Variants in SPESP1 observed in about 807,000 individuals in gnomAD.
SPESP1 encodes equatorial segment protein.
A neutral mutation model predicts 3.1 loss-of-function variants in SPESP1; 1 was observed. The ratio of observed to expected loss-of-function variants is 0.33; its 90% CI spans 0.12 to 1.54. The LOEUF is 1.54. SPESP1 is among the 40% of genes most tolerant of loss of function. SPESP1 has a pLI of 0.38. For synonymous variants in SPESP1, 138 were observed against 150.7 expected (o/e 0.92, Z 0.62); for missense variants, 398 against 410.1 (o/e 0.97, Z 0.26).
intron 1 of SPESP1, among the ~76,000 whole-genome samples, chr15:68,933,924 TATC>T (rs1028778207): frequency 6.6e-6 from 1 of 151,736 alleles, no homozygotes. Flanking sequence ...ATTTAAATAA[TATC>T]AACTACTATT....
At position 68,946,527 on chromosome 15, in the gene SPESP1, C is replaced by T. The variant is rs748587178; in HGVS notation, c.993C>T (p.Phe331=). Residue 331 remains phenylalanine (F), a synonymous_variant, in exon 2 of 2, where the codon TTC becomes TTT. Transcript: ENST00000310673. ...TGAGAGAAAAAGCTGCTACAGTATT[C>T]AATACATTAAAAAATATGTGTAGAT... ...PEMREKAATV[F]NTLKNMCRSR... is the part of the protein sequence containing the mutation. The T allele has an allele frequency of 1.3e-6, 2 of 1,589,736 alleles. No individual in the cohort carries two copies. Among genetic ancestry groups the T allele is most frequent in the South Asian group, 2.4e-5 (2 of 85,076 alleles).
At chr15:68,944,691 T>G (rs1218143527) in intron 1 of SPESP1, among the ~76,000 whole-genome samples, 1 of 152,148 alleles carries the variant, frequency 6.6e-6, no homozygotes, top group Non-Finnish European at 1.5e-5. Context: ...GGCCATGTGG[T>G]CTCTTACAAT....
intron 1 of SPESP1, among the ~76,000 whole-genome samples, chr15:68,943,895 C>T (rs895225784): frequency 4.0e-5 from 6 of 151,790 alleles, no homozygotes; most frequent in African/African-American, 9.7e-5. Flanking sequence ...GATTAAACGT[C>T]GATCTGGTCT....
chr15:68,943,085 GTGTGTGTGTGTGTA>G (rs972481815), intron 1 of SPESP1, among the ~76,000 whole-genome samples: 1 of 151,948 alleles, frequency 6.6e-6, no homozygotes, highest in African/African-American at 2.4e-5. Flanking sequence ...GTGTGTGTGT[GTGTGTGTGTGTGTA>G]TGTGTGTGTG....
chr15:68,941,632 A>G (rs1222699123), intron 1 of SPESP1, among the ~76,000 whole-genome samples: 3 of 151,554 alleles, frequency 2.0e-5, no homozygotes, highest in Admixed American at 6.6e-5. Context: ...CTCTGTGTCT[A>G]TCTCTTATAA....
In SPESP1 at chr15:68,946,215, G is replaced by GA; in HGVS notation, c.688dup (p.Ile230AsnfsTer5). 6.2e-7 allele frequency: 1 copy of GA among 1,613,894 alleles called. No individual in the cohort carries two copies. The highest frequency in any genetic ancestry group is 1.1e-5 in the South Asian group (1 of 91,064). ...AGAGTTGGAATAATGATGACATTTT[G>GA]AAAAAAATTTTAGATATTAATTCAC... On this transcript the variant is annotated frameshift_variant, in exon 2 of 2. Coordinates refer to ENST00000310673, the MANE Select transcript of SPESP1 (RefSeq NM_145658.4). LOFTEE classifies it low-confidence loss of function (END_TRUNC).
In SPESP1 at chr15:68,946,084, T is replaced by C. The variant is rs909555126; in HGVS notation, c.550T>C (p.Leu184=). The change falls in exon 2 of 2, where the codon TTA becomes CTA. Residue 184 remains leucine, a synonymous_variant. Coordinates refer to ENST00000310673, the MANE Select transcript of SPESP1 (RefSeq NM_145658.4). ...CTCATACAAGTCACCTGTCACCACT[T>C]TAGATAAGAGCACTGGCATTGGGAT... ...VTSYKSPVTT[L]DKSTGIGIST... 4 of 1,614,168 alleles carry C rather than the reference T, an allele frequency of 2.5e-6. No homozygotes were observed. In the South Asian group the frequency reaches 4.4e-5, roughly 18 times the overall value.
chr15:68,940,120 A>G (rs897869231), intron 1 of SPESP1, among the ~76,000 whole-genome samples: 12 of 152,164 alleles, frequency 7.9e-5, no homozygotes, highest in Admixed American at 5.9e-4. Flanking sequence ...TATTATTACT[A>G]TTATTAGCAT....
intron 1 of SPESP1, among the ~76,000 whole-genome samples, chr15:68,942,451 A>G (rs949819941): frequency 6.6e-6 from 1 of 152,112 alleles, no homozygotes; most frequent in Admixed American, 6.5e-5. Context: ...ATTGACTAGT[A>G]TCTCCAACAT....
At chr15:68,936,413 CAT>C (rs893942937) in intron 1 of SPESP1, among the ~76,000 whole-genome samples, 3 of 152,160 alleles carry the variant, frequency 2.0e-5, no homozygotes, top group African/African-American at 7.2e-5. Flanking sequence ...CATGCTACAA[CAT>C]AGATGATCTT....
chr15:68,936,952 G>A (rs1290286699), intron 1 of SPESP1, among the ~76,000 whole-genome samples: 1 of 152,024 alleles, frequency 6.6e-6, no homozygotes, highest in African/African-American at 2.4e-5. Flanking sequence ...TTAGAAAGAC[G>A]TAGTAAGCTG....
intron 1 of SPESP1, among the ~76,000 whole-genome samples, chr15:68,938,188 C>A (rs1003880689): frequency 3.3e-5 from 5 of 152,264 alleles, no homozygotes; most frequent in Admixed American, 2.0e-4. Context: ...ACCATGTTGG[C>A]CAGGCTGGTC....
intron 1 of SPESP1, among the ~76,000 whole-genome samples, chr15:68,933,826 TC>T (rs1383142330): frequency 2.6e-5 from 4 of 151,142 alleles, no homozygotes; most frequent in Admixed American, 1.3e-4. Context: ...GCCACTGCAT[TC>T]CAGCCTGGCT....
In SPESP1 at chr15:68,946,006, G is replaced by T. The variant is rs1416222041; in HGVS notation, c.472G>T (p.Ala158Ser). 6.2e-7 allele frequency: 1 copy of T among 1,613,980 alleles called. No homozygotes were observed. Among genetic ancestry groups the T allele is most frequent in the African/African-American group, 1.3e-5 (1 of 74,878 alleles). ...EPEPAAKQTEAPRMLPVVTES... is the reference protein window; with the variant it reads ...EPEPAAKQTESPRMLPVVTES... ...GGAGCCAGCTGCAAAACAAACTGAG[G>T]CACCAAGAATGTTGCCAGTTGTTAC... The change falls in exon 2 of 2, where the codon GCA becomes TCA. Residue 158 changes from alanine (A) to serine (S), a missense_variant. Coordinates refer to ENST00000310673, the MANE Select transcript of SPESP1 (RefSeq NM_145658.4).
intron 1 of SPESP1, among the ~76,000 whole-genome samples, chr15:68,944,619 A>T (rs1263870594): frequency 6.6e-6 from 1 of 152,154 alleles, no homozygotes; most frequent in African/African-American, 2.4e-5. Flanking sequence ...AATGCTGATG[A>T]TTTAGACCAG....
Position 68,946,323 on chromosome 15 carries a change from A to G in SPESP1, c.789A>G (p.Arg263=), listed in dbSNP as rs1895964932. ...AAGCCTCTAAAGATCACCTAAAACG[A>G]AGCCTTGCTCTAGCAGCAGCAGCAG... The part of the protein sequence containing the change: ...DIEASKDHLK[R]SLALAAAAEH... Residue 263 remains arginine, a synonymous_variant, in exon 2 of 2, where the codon CGA becomes CGG. Transcript: ENST00000310673. 1 of 1,614,188 alleles carries G rather than the reference A, an allele frequency of 6.2e-7. No homozygotes were observed. Among genetic ancestry groups the G allele is most frequent in the African/African-American group, 1.3e-5 (1 of 75,074 alleles).
chr15:68,946,642 A>G lies in SPESP1; in HGVS notation c.*55A>G. 1 of 1,350,752 alleles carries G rather than the reference A, an allele frequency of 7.4e-7. No homozygotes were observed. Among genetic ancestry groups the G allele is most frequent in the South Asian group, 2.3e-5 (1 of 44,152 alleles). The allele number at this position is 1,350,752 out of a possible 1,614,324, so 83.7% of individuals were successfully genotyped here. ...GATATTCCATAACAAAGCTGATTTA[A>G]GCAAACTGCATTTTTTCACAGGAGA... is the stretch of plus-strand genomic sequence containing the variant. On this transcript the variant is annotated 3_prime_UTR_variant, in exon 2 of 2. Transcript: ENST00000310673.
At position 68,946,412 on chromosome 15, in the gene SPESP1, T is replaced by G; in HGVS notation, c.878T>G (p.Ile293Ser). Residue 293 changes from isoleucine (I) to serine (S), a missense_variant, in exon 2 of 2, where the codon ATT becomes AGT. Ile to Ser is a moderately radical substitution (Grantham distance 142). Coordinates refer to ENST00000310673, the MANE Select transcript of SPESP1 (RefSeq NM_145658.4). ...LLPVGRTSNKIDDIETVINML... is the reference protein window; with the variant it reads ...LLPVGRTSNKSDDIETVINML... ...CCAGTAGGACGAACAAGTAATAAAA[T>G]TGATGACATCGAAACTGTTATTAAC... is the stretch of plus-strand genomic sequence containing the variant. The G allele has an allele frequency of 6.2e-7, 1 of 1,614,066 alleles. No individual in the cohort carries two copies. The highest frequency in any genetic ancestry group is 8.5e-7 in the Non-Finnish European group (1 of 1,180,008).
intron 1 of SPESP1, among the ~76,000 whole-genome samples, chr15:68,940,449 GGTTA>G (rs2140424318): frequency 6.6e-6 from 1 of 152,152 alleles, no homozygotes; most frequent in East Asian, 1.9e-4. Flanking sequence ...TCAAATATCT[GGTTA>G]GTGTTTCTGA....
Sources: allele counts gnomAD v4.1 joint callset (sites outside exome capture counted in the v4.1 genomes callset), GRCh38; gene constraint gnomAD v4.1.1; transcripts MANE v1.5; gene names NCBI Gene and HGNC (gene_info 2026-07-23, HGNC 2026-07-21).